Variants in LOC400499 observed in about 807,000 individuals in gnomAD.
At chr16:11,392,240 G>T in the LOC400499 span, 1 of 398,958 alleles carries the variant, frequency 2.5e-6, no homozygotes, top group Non-Finnish European at 4.4e-6. Context: ...CAAGGGCTCG[G>T]GGCTCCTGGC....
the LOC400499 span, among the ~76,000 whole-genome samples, chr16:11,481,372 G>A: frequency 6.6e-6 from 1 of 152,196 alleles, no homozygotes; most frequent in Non-Finnish European, 1.5e-5. Flanking sequence ...GCCCAAGCTA[G>A]AGTGCAGTGG....
At chr16:11,383,709 G>A in the LOC400499 span, 1 of 1,232,520 alleles carries the variant, frequency 8.1e-7, no homozygotes, top group East Asian at 3.2e-5. Flanking sequence ...CGGCCGCCAG[G>A]TTGCAGGCAG....
chr16:11,386,194 T>C, the LOC400499 span, among the ~76,000 whole-genome samples: 1 of 152,166 alleles, frequency 6.6e-6, no homozygotes, highest in Non-Finnish European at 1.5e-5. Context: ...AGGGAACAGA[T>C]GGCCTGAGAA....
At chr16:11,512,094 C>A in the LOC400499 span, among the ~76,000 whole-genome samples, 16 of 150,342 alleles carry the variant, frequency 1.1e-4, no homozygotes, top group Non-Finnish European at 2.4e-4. Context: ...TTCCAGACCA[C>A]CCTGATGGTA....
chr16:11,382,607 G>A, the LOC400499 span, among the ~76,000 whole-genome samples: 1 of 151,416 alleles, frequency 6.6e-6, no homozygotes, highest in African/African-American at 2.4e-5. Context: ...AGAGCAGAGA[G>A]AAAACAGGGC....
At chr16:11,463,153 C>G in the LOC400499 span, among the ~76,000 whole-genome samples, 2 of 152,218 alleles carry the variant, frequency 1.3e-5, no homozygotes, top group East Asian at 3.9e-4. Context: ...ACGGGGACAG[C>G]TCACTACACA....
At chr16:11,522,177 C>T in the LOC400499 span, 1 of 398,736 alleles carries the variant, frequency 2.5e-6, no homozygotes, top group Non-Finnish European at 4.4e-6. Flanking sequence ...ATCCCAACTC[C>T]ACCTCCAGCC....
the LOC400499 span, chr16:11,519,082 T>G: frequency 7.5e-6 from 3 of 397,662 alleles, no homozygotes; most frequent in Non-Finnish European, 8.9e-6. Flanking sequence ...TGAACCCATG[T>G]TGGGGGCAAG....
At chr16:11,459,989 C>T in the LOC400499 span, 3 of 1,510,766 alleles carry the variant, frequency 2.0e-6, no homozygotes, top group South Asian at 2.5e-5. Context: ...TGTCCCAGTG[C>T]TTCCCGTAGC....
chr16:11,372,589 A>C, the LOC400499 span: 1 of 226,544 alleles, frequency 4.4e-6, no homozygotes, highest in Non-Finnish European at 7.4e-6. Flanking sequence ...GTGCGTTTGC[A>C]GCACGTGCGG....
the LOC400499 span, among the ~76,000 whole-genome samples, chr16:11,506,730 T>C: frequency 9.9e-5 from 15 of 152,220 alleles, no homozygotes; most frequent in Admixed American, 2.6e-4. Flanking sequence ...TTGCTTTCTA[T>C]TGAGCGCTGA....
At chr16:11,474,848 C>T in the LOC400499 span, among the ~76,000 whole-genome samples, 6 of 151,994 alleles carry the variant, frequency 3.9e-5, no homozygotes, top group South Asian at 4.1e-4. Flanking sequence ...CCGGTCTGGA[C>T]GACAGAGACC....
chr16:11,452,740 T>G, the LOC400499 span, among the ~76,000 whole-genome samples: 508 of 152,374 alleles, frequency 3.3e-3, 4 homozygotes, highest in Non-Finnish European at 4.9e-3. Context: ...GTAAAAGTCC[T>G]GCAAACTTGT....
At chr16:11,380,715 C>T in the LOC400499 span, 16 of 152,074 alleles carry the variant, frequency 1.1e-4, no homozygotes, top group African/African-American at 3.6e-4. Flanking sequence ...AAAAATAAAC[C>T]CTAAGGGAGG....
At chr16:11,459,102 A>G in the LOC400499 span, among the ~76,000 whole-genome samples, 2 of 151,818 alleles carry the variant, frequency 1.3e-5, no homozygotes, top group Non-Finnish European at 2.9e-5. Context: ...CATGATGTAT[A>G]CTTAGCCACA....
the LOC400499 span, among the ~76,000 whole-genome samples, chr16:11,399,037 G>A: frequency 7.2e-5 from 11 of 152,238 alleles, no homozygotes; most frequent in Admixed American, 2.0e-4. Flanking sequence ...GGGCTTCCAG[G>A]GCCAGCTCTC....
At chr16:11,412,468 C>T in the LOC400499 span, among the ~76,000 whole-genome samples, 1 of 152,220 alleles carries the variant, frequency 6.6e-6, no homozygotes, top group African/African-American at 2.4e-5. Context: ...CTCACCCCCT[C>T]CCTCACTGCT....
chr16:11,510,844 G>C, the LOC400499 span, among the ~76,000 whole-genome samples: 12 of 151,592 alleles, frequency 7.9e-5, no homozygotes, highest in African/African-American at 2.9e-4. Flanking sequence ...GGCCAAGCCA[G>C]GGCCATCTGA....
At chr16:11,524,485 T>A in the LOC400499 span, among the ~76,000 whole-genome samples, 1 of 151,454 alleles carries the variant, frequency 6.6e-6, no homozygotes, top group Non-Finnish European at 1.5e-5. Context: ...AGCCATACCC[T>A]CATCCTGAAT....
Sources: allele counts gnomAD v4.1 joint callset (sites outside exome capture counted in the v4.1 genomes callset), GRCh38; gene constraint gnomAD v4.1.1; transcripts MANE v1.5.